The following RPH3A variants were observed in gnomAD, a reference collection of about 807,000 sequenced individuals.
RPH3A encodes the protein rabphilin 3A, also known as rabphilin-3A.
A neutral mutation model predicts 102.2 loss-of-function variants in RPH3A; 48 were observed. That is an observed-to-expected ratio of 0.47 (90% confidence interval 0.37 to 0.60). RPH3A has a LOEUF of 0.60. RPH3A is among the 20% of genes least tolerant of loss of function. The probability of loss-of-function intolerance (pLI) is 0.00; values close to 1 mark genes in which losing one functional copy is unlikely to be tolerated. For missense variants in RPH3A, 781 were observed against 910.1 expected, an observed-to-expected ratio of 0.86 and a Z score of 1.83; for synonymous variants, 310 against 324.3, an observed-to-expected ratio of 0.96 and a Z score of 0.47.
intron 1 of RPH3A, among the ~76,000 whole-genome samples, chr12:112,780,403 T>C (rs1231549997): frequency 7.1e-6 from 1 of 141,610 alleles, no homozygotes; most frequent in African/African-American, 2.6e-5. Context: ...GGAGGCCTCA[T>C]TTTTGTGAAA....
chr12:112,767,149 A>G (rs1014325640), intron 1 of RPH3A, among the ~76,000 whole-genome samples: 13 of 152,180 alleles, frequency 8.5e-5, no homozygotes, highest in Admixed American at 6.5e-4. Context: ...TTGATATAAT[A>G]TCAAGATAGT....
chr12:112,799,671 C>T (rs1052606030), intron 2 of RPH3A, among the ~76,000 whole-genome samples: 2 of 152,138 alleles, frequency 1.3e-5, no homozygotes, highest in South Asian at 2.1e-4. Context: ...GGGCAGGAGA[C>T]TTACTCCCTT....
rs188366698 is a variant in RPH3A, at chr12:112,651,149, C to T, written c.-140+75830C>T. On this transcript the variant is annotated intron_variant, in intron 1 of 21. Coordinates refer to the RPH3A transcript ENST00000543106. ...CTGAGACGGGTGGATCGCTTGAGCT[C>T]AGGAGTTCCAGACCAGCCTGGGCAA... Among the ~76,000 whole-genome samples, 989 of 152,034 alleles carry T rather than the reference C, an allele frequency of 6.5e-3. 17 individuals carry two copies. The highest frequency in any genetic ancestry group is 0.023 in the African/African-American group (937 of 41,472).
chr12:112,693,194 C>A lies in RPH3A; in HGVS notation c.-139-98949C>A, dbSNP rs969652272. On this transcript the variant is annotated intron_variant, in intron 1 of 21. Coordinates refer to the RPH3A transcript ENST00000543106. ...AATCTGGCATTGACATTTCCTTCAG[C>A]AATTTCTTGGTTTGTACTGTCTACA... is the stretch of plus-strand genomic sequence containing the variant. Among the ~76,000 whole-genome samples, 12 of 152,314 alleles carry A rather than the reference C, an allele frequency of 7.9e-5. No homozygotes were observed. The East Asian group carries it at 2.3e-3, about 29-fold the overall frequency.
At chr12:112,647,976 A>G (rs1452969929) in intron 1 of RPH3A, among the ~76,000 whole-genome samples, 1 of 152,216 alleles carries the variant, frequency 6.6e-6, no homozygotes, top group East Asian at 1.9e-4. Flanking sequence ...TTTTGAGGAG[A>G]CAATTCAGGC....
chr12:112,834,990 T>C (rs2042025302), intron 3 of RPH3A, among the ~76,000 whole-genome samples: 1 of 152,190 alleles, frequency 6.6e-6, no homozygotes, highest in East Asian at 1.9e-4. Flanking sequence ...CTTGGAGAAT[T>C]TCCTTACTTT....
In RPH3A at chr12:112,890,020, T is replaced by C. The variant is rs367977117; in HGVS notation, c.1564-4T>C. The C allele has an allele frequency of 3.2e-5, 51 of 1,613,130 alleles. No homozygotes were observed. The highest frequency in any genetic ancestry group is 4.0e-5 in the African/African-American group (3 of 74,920). On this transcript the variant is annotated splice_region_variant and splice_polypyrimidine_tract_variant and intron_variant, in intron 17 of 21. Transcript: ENST00000389385. ...TTATCTTTTATTTGTTTTCTTCTTT[T>C]AAGATGAAACGTGCTGGGACCACCG... is the stretch of plus-strand genomic sequence containing the variant.
At chr12:112,700,558 C>T (rs2040386426) in intron 1 of RPH3A, among the ~76,000 whole-genome samples, 1 of 152,188 alleles carries the variant, frequency 6.6e-6, no homozygotes, top group African/African-American at 2.4e-5. Flanking sequence ...GTTTCTGCCC[C>T]TATCCCTCTA....
intron 18 of RPH3A, 39 bp downstream of exon 18, chr12:112,890,119 T>C: frequency 6.3e-7 from 1 of 1,575,888 alleles, no homozygotes; most frequent in Non-Finnish European, 8.7e-7. Context: ...AGTCAGGGTC[T>C]GTACTGGGCT....
At chr12:112,850,986 C>T (rs1248948521) in intron 5 of RPH3A, 1 of 152,178 alleles carries the variant, frequency 6.6e-6, no homozygotes, top group African/African-American at 2.4e-5. Flanking sequence ...TTGAAATCGC[C>T]AATGTAGCTG....
Position 112,641,156 on chromosome 12 carries a change from G to A in RPH3A, c.-140+65837G>A, listed in dbSNP as rs79473857. Reference sequence around the variant, plus strand: ...TACGCTAGCATTTGCATCGCAGAAAGCAAATTTTGAAAAGGTCATCATTTA... The same window carrying A: ...TACGCTAGCATTTGCATCGCAGAAAACAAATTTTGAAAAGGTCATCATTTA... On this transcript the variant is annotated intron_variant, in intron 1 of 21. Transcript: ENST00000543106. Among the ~76,000 whole-genome samples the A allele has an allele frequency of 6.7e-3, 1,020 of 152,312 alleles. 11 individuals are homozygous for A. The highest frequency in any genetic ancestry group is 0.023 in the African/African-American group (973 of 41,572).
chr12:112,803,231 C>T (rs114958984), intron 2 of RPH3A, among the ~76,000 whole-genome samples: 107 of 152,182 alleles, frequency 7.0e-4, no homozygotes, highest in African/African-American at 2.5e-3. Context: ...GTTACATCAC[C>T]CTATTGCTAG....
intron 1 of RPH3A, among the ~76,000 whole-genome samples, chr12:112,679,033 A>G (rs891393143): frequency 1.3e-5 from 2 of 151,926 alleles, no homozygotes; most frequent in African/African-American, 4.8e-5. Flanking sequence ...ATTTCCATGG[A>G]CCAACCTGCC....
chr12:112,729,103 G>T (rs1452178610), intron 1 of RPH3A, among the ~76,000 whole-genome samples: 1 of 151,876 alleles, frequency 6.6e-6, no homozygotes, highest in Non-Finnish European at 1.5e-5. Flanking sequence ...CAGCAATTTT[G>T]GTTCTAACCA....
At chr12:112,731,018 T>G (rs2040629846) in intron 1 of RPH3A, among the ~76,000 whole-genome samples, 1 of 152,244 alleles carries the variant, frequency 6.6e-6, no homozygotes, top group Non-Finnish European at 1.5e-5. Flanking sequence ...TTCTCTGCAA[T>G]TTCCTATAAG....
intron 1 of RPH3A, among the ~76,000 whole-genome samples, chr12:112,776,668 G>A (rs1592993290): frequency 6.6e-6 from 1 of 151,740 alleles, no homozygotes; most frequent in Non-Finnish European, 1.5e-5. Flanking sequence ...AGGTTAGGAG[G>A]TCAAGACCAT....
intron 1 of RPH3A, among the ~76,000 whole-genome samples, chr12:112,585,596 G>A (rs1164889459): frequency 1.3e-5 from 2 of 152,140 alleles, no homozygotes; most frequent in Non-Finnish European, 2.9e-5. Context: ...TTTGCCAGGC[G>A]TGGTGGTGCA....
chr12:112,880,483 C>G (rs1335047490), intron 14 of RPH3A, among the ~76,000 whole-genome samples: 1 of 152,188 alleles, frequency 6.6e-6, no homozygotes, highest in Non-Finnish European at 1.5e-5. Context: ...AAGTTAAAGT[C>G]TGAGCTCACA....
chr12:112,580,509 T>C (rs939104711), intron 1 of RPH3A, among the ~76,000 whole-genome samples: 13 of 146,794 alleles, frequency 8.9e-5, no homozygotes, highest in Non-Finnish European at 1.5e-4. Flanking sequence ...GTTCGCGCCA[T>C]TCTCCTGCCT....
Sources: gnomAD v4.1 joint callset for allele counts (sites outside exome capture counted in the v4.1 genomes callset) on GRCh38, gnomAD v4.1.1 for gene constraint, MANE v1.5 for transcripts, NCBI Gene and HGNC (gene_info 2026-07-23, HGNC 2026-07-21) for gene names.